Variants in ERBB4 observed in about 807,000 individuals in gnomAD.
The protein encoded by ERBB4 is receptor tyrosine-protein kinase erbB-4.
ERBB4 carries 42 observed loss-of-function variants against 158.0 expected under a neutral mutation model. That is an observed-to-expected ratio of 0.27 (90% CI 0.21 to 0.34). The LOEUF (loss-of-function observed/expected upper bound fraction) is 0.34. ERBB4 is among the 10% of genes least tolerant of loss of function. The probability of loss-of-function intolerance (pLI) is 1.00; values close to 1 mark genes in which losing one functional copy is unlikely to be tolerated. For missense variants in ERBB4, 1,333 were observed against 1,624.1 expected (o/e 0.82, Z 3.08); for synonymous variants, 583 against 558.7 (o/e 1.04, Z -0.61).
rs969773561 is a variant in ERBB4 at position 211,421,989 on chromosome 2, T to C, written c.2964+18A>G. The C allele has an allele frequency of 2.0e-6, 3 of 1,523,614 alleles. No individual in the cohort carries two copies. Among genetic ancestry groups the C allele is most frequent in the Admixed American group, 3.3e-5 (2 of 59,722 alleles). The allele number at this position is 1,523,614 out of a possible 1,614,324, so 94.4% of individuals were successfully genotyped here. Reference sequence around the variant, plus strand: ...TGCCATTGGCCTAGTCTTAAAGGCATAAGTCAAATGTACTCACCTGAATAA... The same window carrying C: ...TGCCATTGGCCTAGTCTTAAAGGCACAAGTCAAATGTACTCACCTGAATAA... On this transcript the variant is annotated intron_variant, in intron 24 of 27. Coordinates refer to ENST00000342788, the MANE Select transcript of ERBB4 (RefSeq NM_005235.3).
intron 3 of ERBB4, among the ~76,000 whole-genome samples, chr2:211,898,605 A>G (rs1296825299): frequency 6.6e-6 from 1 of 152,204 alleles, no homozygotes; most frequent in Admixed American, 6.5e-5. Context: ...TTCATGACAC[A>G]GTGACTTAAA....
intron 1 of ERBB4, among the ~76,000 whole-genome samples, chr2:212,452,019 T>A (rs1245261736): frequency 5.3e-5 from 8 of 151,950 alleles, no homozygotes; most frequent in Non-Finnish European, 1.0e-4. Context: ...GTTTTTTTTT[T>A]TTTTTTTCCA....
intron 3 of ERBB4, among the ~76,000 whole-genome samples, chr2:211,853,902 G>A (rs2077782975): frequency 1.3e-5 from 2 of 152,078 alleles, no homozygotes; most frequent in Non-Finnish European, 2.9e-5. Flanking sequence ...AGATGCCACT[G>A]TGAGATTGGT....
At chr2:211,935,089 A>G (rs1225042224) in intron 3 of ERBB4, among the ~76,000 whole-genome samples, 3 of 152,142 alleles carry the variant, frequency 2.0e-5, no homozygotes, top group Non-Finnish European at 4.4e-5. Context: ...AAAGAAAATC[A>G]GCAGTTATAC....
intron 3 of ERBB4, among the ~76,000 whole-genome samples, chr2:211,811,993 TTTG>T (rs2076767186): frequency 6.6e-6 from 1 of 152,178 alleles, no homozygotes; most frequent in Non-Finnish European, 1.5e-5. Flanking sequence ...CATGGAGAAG[TTTG>T]TTATTACCGA....
chr2:212,448,769 G>C (rs2092402248), intron 1 of ERBB4, among the ~76,000 whole-genome samples: 1 of 151,970 alleles, frequency 6.6e-6, no homozygotes, highest in South Asian at 2.1e-4. Context: ...CATGATACTA[G>C]TATATTTTCC....
chr2:211,997,676 C>G (rs2082231687), intron 2 of ERBB4, among the ~76,000 whole-genome samples: 1 of 151,972 alleles, frequency 6.6e-6, no homozygotes, highest in Non-Finnish European at 1.5e-5. Context: ...CCCGCTCCCT[C>G]TCCCCTTCTT....
At chr2:212,174,963 C>A (rs1238864348) in intron 1 of ERBB4, among the ~76,000 whole-genome samples, 1 of 152,066 alleles carries the variant, frequency 6.6e-6, no homozygotes, top group South Asian at 2.1e-4. Context: ...ACAGTTATAT[C>A]AAACTGGTCT....
intron 1 of ERBB4, among the ~76,000 whole-genome samples, chr2:212,341,895 AC>A (rs1211614749): frequency 1.3e-5 from 2 of 152,196 alleles, no homozygotes; most frequent in Admixed American, 6.5e-5. Flanking sequence ...CAACAATAGC[AC>A]TGTTATTAAA....
chr2:212,262,743 C>A (rs1421140920), intron 1 of ERBB4, among the ~76,000 whole-genome samples: 1 of 151,976 alleles, frequency 6.6e-6, no homozygotes, highest in African/African-American at 2.4e-5. Context: ...GATCCATGGG[C>A]TCATATATTT....
rs550816342 is a variant in ERBB4 at position 212,319,475 on chromosome 2, C to T, written c.83-194572G>A. 1.3e-5 allele frequency among the ~76,000 whole-genome samples: 2 copies of T among 150,584 alleles called. 1 individual carries two copies. The highest frequency in any genetic ancestry group is 4.2e-4 in the South Asian group (2 of 4,724). On this transcript the variant is annotated intron_variant, in intron 1 of 27. Coordinates refer to ENST00000342788, the MANE Select transcript of ERBB4 (RefSeq NM_005235.3). ...AGTACTTGGCCCAGGTTTCTCAAAACATTCAAGTCAGTTTAATATGTAACC... is the reference window on the plus strand; with the variant it reads ...AGTACTTGGCCCAGGTTTCTCAAAATATTCAAGTCAGTTTAATATGTAACC...
intron 9 of ERBB4, among the ~76,000 whole-genome samples, chr2:211,707,813 T>A (rs747782913): frequency 7.2e-5 from 11 of 152,182 alleles, no homozygotes; most frequent in Non-Finnish European, 1.3e-4. Flanking sequence ...TTCTTGAGCC[T>A]AATTATATAT....
At position 211,562,132 on chromosome 2, in the gene ERBB4, C is replaced by A. The variant is rs1559297945; in HGVS notation, c.2302-44G>T. 3 of 1,567,844 alleles carry A rather than the reference C, an allele frequency of 1.9e-6. No individual in the cohort carries two copies. In the South Asian group the frequency reaches 3.3e-5, roughly 17 times the overall value. On this transcript the variant is annotated intron_variant, in intron 19 of 27. Transcript: ENST00000342788. ...ATACCATGATTTCAACTCAAATTTTCTTAGATTTAGAGTTACTTGGATTGT... is the reference window on the plus strand; with the variant it reads ...ATACCATGATTTCAACTCAAATTTTATTAGATTTAGAGTTACTTGGATTGT...
chr2:212,105,730 C>T (rs2079207202), intron 2 of ERBB4, among the ~76,000 whole-genome samples: 1 of 152,112 alleles, frequency 6.6e-6, no homozygotes, highest in African/African-American at 2.4e-5. Context: ...TAACTGTGTC[C>T]CCATCCAAAT....
chr2:211,869,923 G>T (rs2078299980), intron 3 of ERBB4, among the ~76,000 whole-genome samples: 1 of 151,930 alleles, frequency 6.6e-6, no homozygotes, highest in East Asian at 1.9e-4. Context: ...GACTTACCTG[G>T]GTGGATTGCT....
chr2:212,321,212 G>A lies in ERBB4; in HGVS notation c.83-196309C>T, dbSNP rs183296528. Among the ~76,000 whole-genome samples the A allele has an allele frequency of 1.1e-4, 17 of 150,382 alleles. 1 individual carries two copies. The East Asian group carries it at 2.9e-3, about 26-fold the overall frequency. On this transcript the variant is annotated intron_variant, in intron 1 of 27. Coordinates refer to ENST00000342788, the MANE Select transcript of ERBB4 (RefSeq NM_005235.3). ...TTATATTTTGCCATCGTGTAATTAT[G>A]ATATATTAATGCCTTATAAAGTGTA...
chr2:212,024,418 A>G (rs961116446), intron 2 of ERBB4, among the ~76,000 whole-genome samples: 4 of 151,962 alleles, frequency 2.6e-5, no homozygotes, highest in African/African-American at 9.7e-5. Flanking sequence ...CACCACACAG[A>G]AAATCAATGT....
intron 2 of ERBB4, among the ~76,000 whole-genome samples, chr2:212,003,728 C>A (rs190453695): frequency 2.8e-4 from 42 of 152,212 alleles, no homozygotes; most frequent in Non-Finnish European, 5.1e-4. Context: ...GCGTATTAAT[C>A]GACCTGTTCC....
At chr2:212,027,867 A>G (rs1274711434) in intron 2 of ERBB4, among the ~76,000 whole-genome samples, 2 of 151,992 alleles carry the variant, frequency 1.3e-5, no homozygotes, top group Admixed American at 6.6e-5. Context: ...CATCTGAGTC[A>G]TGCGGATTGA....
Sources: allele counts gnomAD v4.1 joint callset (sites outside exome capture counted in the v4.1 genomes callset), GRCh38; gene constraint gnomAD v4.1.1; transcripts MANE v1.5; gene names NCBI Gene and HGNC (gene_info 2026-07-23, HGNC 2026-07-21).